H3-7: variants seen among roughly 807,000 people sequenced by gnomAD.
The protein encoded by H3-7 is H3.7 histone (putative).
At chr1:143,905,769 C>T in the H3-7 span, 1 of 1,582,044 alleles carries the variant, frequency 6.3e-7, no homozygotes, top group East Asian at 2.3e-5. Context: ...GCTGGAAGGG[C>T]AGCTTGCGGA....
At chr1:143,904,600 G>A in the H3-7 span, 1 of 1,585,380 alleles carries the variant, frequency 6.3e-7, no homozygotes, top group South Asian at 1.1e-5. Context: ...GCTGGATCCG[G>A]CATTTTTGCG....
chr1:143,902,410 G>T, the H3-7 span, among the ~76,000 whole-genome samples: 1 of 146,668 alleles, frequency 6.8e-6, no homozygotes, highest in Admixed American at 6.9e-5. Flanking sequence ...TTTTAATTGG[G>T]TGTAAATTTG....
the H3-7 span, chr1:143,905,488 A>G: frequency 8.7e-6 from 10 of 1,150,490 alleles, no homozygotes; most frequent in African/African-American, 1.4e-4. Context: ...GAGCCGGTAC[A>G]GCTGCTCTTG....
chr1:143,904,486 C>G, the H3-7 span: 10 of 1,602,490 alleles, frequency 6.2e-6, no homozygotes, highest in Non-Finnish European at 8.5e-6. Context: ...TACACGTAAA[C>G]GGAGTAGCTC....
chr1:143,903,244 T>G, the H3-7 span, among the ~76,000 whole-genome samples: 1 of 121,894 alleles, frequency 8.2e-6, no homozygotes, highest in Non-Finnish European at 1.8e-5. Flanking sequence ...TGGGAAAGTT[T>G]GGAACCAAGA....
chr1:143,904,803 G>A, the H3-7 span, among the ~76,000 whole-genome samples: 3 of 145,966 alleles, frequency 2.1e-5, no homozygotes, highest in Admixed American at 1.4e-4. Flanking sequence ...CTTCCTTAAT[G>A]GTCACTGTAA....
At chr1:143,905,559 G>A in the H3-7 span, 1 of 1,577,456 alleles carries the variant, frequency 6.3e-7, no homozygotes, top group South Asian at 1.1e-5. Context: ...ATATACCTTA[G>A]GCCCGCTCCC....
At chr1:143,905,940 G>A in the H3-7 span, 2 of 1,580,244 alleles carry the variant, frequency 1.3e-6, no homozygotes, top group Non-Finnish European at 8.7e-7. Context: ...CGGTCGACTT[G>A]CGGGCAGTCT....
the H3-7 span, chr1:143,904,393 A>C: frequency 2.5e-6 from 4 of 1,582,866 alleles, 1 homozygote; most frequent in Non-Finnish European, 1.7e-6. Flanking sequence ...ATGCGCTCGA[A>C]GATGTCGTTG....
At chr1:143,903,191 C>CA in the H3-7 span, among the ~76,000 whole-genome samples, 5,570 of 60,142 alleles carry the variant, frequency 0.093, 588 homozygotes, top group African/African-American at 0.26. Flanking sequence ...GACTCCGTCT[C>CA]AAAAAAAAAA....
chr1:143,904,630 C>T, the H3-7 span: 1 of 1,579,924 alleles, frequency 6.3e-7, no homozygotes, highest in Non-Finnish European at 8.7e-7. Flanking sequence ...AGAACAGAGA[C>T]TTAAAGAAGT....
the H3-7 span, among the ~76,000 whole-genome samples, chr1:143,903,148 C>T: frequency 7.1e-6 from 1 of 141,478 alleles, no homozygotes; most frequent in South Asian, 2.4e-4. Flanking sequence ...GCCGAGATCC[C>T]GCCAGTGCAC....
chr1:143,904,310 G>C, the H3-7 span: 2 of 1,582,930 alleles, frequency 1.3e-6, no homozygotes, highest in South Asian at 1.1e-5. Flanking sequence ...GCAGGCGCAC[G>C]GCCGTCTGGA....
chr1:143,903,161 C>T, the H3-7 span, among the ~76,000 whole-genome samples: 13 of 140,100 alleles, frequency 9.3e-5, no homozygotes, highest in African/African-American at 2.6e-4. Flanking sequence ...CAGTGCACTC[C>T]GGCCTGGGCG....
the H3-7 span, chr1:143,904,289 G>T: frequency 2.7e-4 from 423 of 1,585,696 alleles, 24 homozygotes; most frequent in Non-Finnish European, 3.0e-4. Context: ...TGGCCAGCTC[G>T]CCGGGCAGCA....
At chr1:143,905,561 C>G in the H3-7 span, 2 of 1,578,378 alleles carry the variant, frequency 1.3e-6, no homozygotes, top group Non-Finnish European at 1.7e-6. Context: ...ATACCTTAGG[C>G]CCGCTCCCCG....
chr1:143,903,917 G>A, the H3-7 span, among the ~76,000 whole-genome samples: 1,002 of 145,462 alleles, frequency 6.9e-3, 82 homozygotes, highest in Middle Eastern at 0.01. Context: ...ACCACCCCCC[G>A]CCTCCTTCCC....
chr1:143,905,648 C>T, the H3-7 span: 3 of 1,582,944 alleles, frequency 1.9e-6, 1 homozygote, highest in Non-Finnish European at 2.6e-6. Flanking sequence ...AGGTTCGTGT[C>T]TTCGAACAGC....
the H3-7 span, chr1:143,905,833 C>T: frequency 5.1e-6 from 8 of 1,582,218 alleles, 2 homozygotes; most frequent in Non-Finnish European, 6.9e-6. Flanking sequence ...AGCCACGGTG[C>T]CGGGCCGGTA....
Sources: allele counts gnomAD v4.1 joint callset (sites outside exome capture counted in the v4.1 genomes callset), GRCh38; gene constraint gnomAD v4.1.1; transcripts MANE v1.5; gene names NCBI Gene and HGNC (gene_info 2026-07-23, HGNC 2026-07-21).